The following RMST variants were observed in gnomAD, a reference collection of about 807,000 sequenced individuals.
The protein encoded by RMST is rhabdomyosarcoma 2 associated transcript.
At chr12:97,555,844 C>T (rs75416090) in intron 11 of RMST, among the ~76,000 whole-genome samples, 7,020 of 152,298 alleles carry the variant, frequency 0.046, 280 homozygotes, top group East Asian at 0.19. Context: ...GGGAATTTCT[C>T]AGTGACTAGA....
chr12:97,544,612 TA>T (rs1882798753), intron 11 of RMST, among the ~76,000 whole-genome samples: 1 of 152,110 alleles, frequency 6.6e-6, no homozygotes, highest in Non-Finnish European at 1.5e-5. Context: ...GCTAGAATTG[TA>T]AATTATGTTC....
At chr12:97,512,374 C>G (rs1054837940) in intron 10 of RMST, among the ~76,000 whole-genome samples, 1 of 152,142 alleles carries the variant, frequency 6.6e-6, no homozygotes, top group African/African-American at 2.4e-5. Flanking sequence ...TAAGGGGACC[C>G]GAGCCGGTTA....
Position 97,474,276 on chromosome 12 carries a change from G to T in RMST, n.644+8549G>T, listed in dbSNP as rs944294026. On this transcript the variant is annotated intron_variant and non_coding_transcript_variant, in intron 5 of 13. Coordinates refer to ENST00000640149, the Ensembl canonical transcript of RMST. Reference sequence around the variant, plus strand: ...ATTCTCAGTGTCTTTGGGAAGCAAGGTTCGCCATCCACTTGTCTAAACAGA... The same window carrying T: ...ATTCTCAGTGTCTTTGGGAAGCAAGTTTCGCCATCCACTTGTCTAAACAGA... Among the ~76,000 whole-genome samples the T allele has an allele frequency of 9.2e-5, 14 of 152,082 alleles. No individual in the cohort carries two copies. The East Asian group carries it at 1.3e-3, about 15-fold the overall frequency.
chr12:97,494,399 A>G (rs773466079), intron 8 of RMST, among the ~76,000 whole-genome samples: 3 of 152,120 alleles, frequency 2.0e-5, no homozygotes, highest in Non-Finnish European at 4.4e-5. Flanking sequence ...TTATAAGAAA[A>G]TTAATCCGGG....
At chr12:97,499,657 CTT>C (rs540776298) in intron 10 of RMST, among the ~76,000 whole-genome samples, 1 of 131,904 alleles carries the variant, frequency 7.6e-6, no homozygotes. Context: ...TTTTTTCTTT[CTT>C]TTTTTTTTTT....
chr12:97,490,914 A>C (rs1876722279), intron 5 of RMST, among the ~76,000 whole-genome samples: 1 of 152,212 alleles, frequency 6.6e-6, no homozygotes, highest in South Asian at 2.1e-4. Flanking sequence ...CTTATCTTGA[A>C]AATCTTAAGT....
chr12:97,519,518 T>G (rs920915487), intron 10 of RMST, among the ~76,000 whole-genome samples: 2 of 152,192 alleles, frequency 1.3e-5, no homozygotes, highest in African/African-American at 2.4e-5. Context: ...CATACCAAAG[T>G]TAGAGTTTTA....
At chr12:97,533,270 G>C (rs970660395) in intron 11 of RMST, 2 of 151,880 alleles carry the variant, frequency 1.3e-5, no homozygotes, top group South Asian at 4.1e-4. Context: ...GTCCTGAAGG[G>C]GTTAGGAATA....
At chr12:97,546,998 CT>C (rs1013768829) in intron 11 of RMST, among the ~76,000 whole-genome samples, 8 of 152,010 alleles carry the variant, frequency 5.3e-5, no homozygotes, top group African/African-American at 1.9e-4. Flanking sequence ...CTCTATCTTT[CT>C]ATGAGTTAAA....
rs184622779 is a variant in RMST, at chr12:97,530,980, C to T, written n.1545+121C>T. The T allele has an allele frequency of 1.1e-3, 155 of 146,236 alleles. 2 individuals are homozygous for T. The highest frequency in any genetic ancestry group is 3.2e-3 in the African/African-American group (130 of 40,086). 9.1% of individuals were successfully genotyped at this position (146,236 alleles called of 1,614,324 possible). A position where few individuals can be genotyped will look rare whatever the true frequency, so the allele number is the denominator to read the frequency against. The stretch of plus-strand genomic sequence containing the variant: ...TTCAGAAAAAGATCCGTATGCTTTT[C>T]GGGCATTTATAGCATATTCTCTGAA... On this transcript the variant is annotated intron_variant and non_coding_transcript_variant, in intron 11 of 13. Coordinates refer to ENST00000640149, the Ensembl canonical transcript of RMST.
intron 5 of RMST, among the ~76,000 whole-genome samples, chr12:97,480,236 C>T (rs967654416): frequency 6.6e-6 from 1 of 151,770 alleles, no homozygotes. Flanking sequence ...ACTACAGGCG[C>T]CCACCACCAC....
chr12:97,488,166 C>T (rs1876335011), intron 5 of RMST, among the ~76,000 whole-genome samples: 1 of 152,058 alleles, frequency 6.6e-6, no homozygotes, highest in African/African-American at 2.4e-5. Flanking sequence ...GGTGGATCAC[C>T]TGAGGTCAGG....
intron 10 of RMST, among the ~76,000 whole-genome samples, chr12:97,524,258 C>T (rs942775046): frequency 1.3e-5 from 2 of 151,864 alleles, no homozygotes; most frequent in African/African-American, 4.8e-5. Flanking sequence ...ATGTCGGGCT[C>T]CATCTCGGAC....
At chr12:97,513,808 G>A (rs979797762) in intron 10 of RMST, among the ~76,000 whole-genome samples, 1 of 152,170 alleles carries the variant, frequency 6.6e-6, no homozygotes, top group Non-Finnish European at 1.5e-5. Context: ...ATGTGCTATG[G>A]TAAATGGTGT....
exon 7 of RMST, chr12:97,493,257 G>A (rs1877045175): frequency 1.3e-5 from 2 of 152,534 alleles, no homozygotes; most frequent in African/African-American, 2.4e-5. Context: ...ATAGAACCAC[G>A]GAGACTTGGT....
intron 13 of RMST, chr12:97,563,361 A>G (rs905313627): frequency 1.5e-5 from 3 of 198,308 alleles, no homozygotes; most frequent in Admixed American, 5.8e-5. Flanking sequence ...TAAGATCCCG[A>G]CTCCCCACCT....
At chr12:97,555,686 T>A (rs1310659346) in intron 11 of RMST, among the ~76,000 whole-genome samples, 1 of 152,206 alleles carries the variant, frequency 6.6e-6, no homozygotes, top group Non-Finnish European at 1.5e-5. Flanking sequence ...TGGTCTTGCC[T>A]CCCAGACTGT....
intron 10 of RMST, among the ~76,000 whole-genome samples, chr12:97,512,771 C>T (rs564427951): frequency 5.2e-4 from 79 of 152,366 alleles, no homozygotes; most frequent in Middle Eastern, 6.8e-3. Flanking sequence ...CTGCCAATCC[C>T]GCGCCCTGCG....
At chr12:97,504,403 C>CAAAAAAAAAAAAAAAAAAAA (rs5800313) in intron 10 of RMST, among the ~76,000 whole-genome samples, 1 of 56,598 alleles carries the variant, frequency 1.8e-5, no homozygotes, top group African/African-American at 5.6e-5. Flanking sequence ...GACTTCATTT[C>CAAAAAAAAAAAAAAAAAAAA]AAAAAAAAAA....
Sources: allele counts gnomAD v4.1 joint callset (sites outside exome capture counted in the v4.1 genomes callset), GRCh38; gene constraint gnomAD v4.1.1; transcripts MANE v1.5; gene names NCBI Gene and HGNC (gene_info 2026-07-23, HGNC 2026-07-21).